The following MARCHF1 variants were observed in gnomAD, a reference collection of about 807,000 sequenced individuals.
MARCHF1 encodes the protein E3 ubiquitin-protein ligase MARCHF1.
In MARCHF1, 40 loss-of-function variants were observed where a neutral mutation model predicts 54.2. The observed-to-expected ratio is 0.74, with a 90% confidence interval of 0.57 to 0.96. The LOEUF is 0.96. Ranked by LOEUF, MARCHF1 falls within the 40% of genes least tolerant of loss-of-function variation. The probability of loss-of-function intolerance (pLI) is 0.00; values close to 1 mark genes in which losing one functional copy is unlikely to be tolerated. For synonymous variants in MARCHF1, 236 were observed against 236.3 expected, an observed-to-expected ratio of 1.00 and a Z score of 0.01; for missense variants, 586 against 656.5, an observed-to-expected ratio of 0.89 and a Z score of 1.17.
chr4:164,373,150 T>C (rs986675489), intron 1 of MARCHF1, among the ~76,000 whole-genome samples: 1 of 152,118 alleles, frequency 6.6e-6, no homozygotes, highest in Non-Finnish European at 1.5e-5. Flanking sequence ...GAGAAAATAC[T>C]ATCATCTGCA....
intron 5 of MARCHF1, among the ~76,000 whole-genome samples, chr4:163,644,863 T>G (rs1221425289): frequency 2.6e-5 from 4 of 152,088 alleles, no homozygotes; most frequent in Non-Finnish European, 5.9e-5. Flanking sequence ...TCCCTATAAT[T>G]CAGCTCCAGT....
At chr4:163,873,091 A>ACAAAC (rs149615504) in intron 3 of MARCHF1, among the ~76,000 whole-genome samples, 8 of 151,978 alleles carry the variant, frequency 5.3e-5, no homozygotes, top group Admixed American at 2.0e-4. Flanking sequence ...AAACAAACAA[A>ACAAAC]AAAAATGATG....
At chr4:164,278,883 A>G (rs919467883) in intron 1 of MARCHF1, among the ~76,000 whole-genome samples, 1 of 152,140 alleles carries the variant, frequency 6.6e-6, no homozygotes, top group African/African-American at 2.4e-5. Context: ...AGACTACACA[A>G]TGAGTTAAGA....
At chr4:163,579,238 A>G (rs1352745310) in intron 8 of MARCHF1, among the ~76,000 whole-genome samples, 4 of 152,230 alleles carry the variant, frequency 2.6e-5, no homozygotes, top group African/African-American at 9.6e-5. Flanking sequence ...ATTGTAATCT[A>G]TTCACACTGC....
intron 2 of MARCHF1, among the ~76,000 whole-genome samples, chr4:164,043,155 T>A (rs1401092302): frequency 6.6e-6 from 1 of 152,124 alleles, no homozygotes; most frequent in Admixed American, 6.5e-5. Flanking sequence ...AAACCTTGAG[T>A]AGACAGTGCC....
chr4:163,617,839 G>A (rs1274939688), intron 5 of MARCHF1, among the ~76,000 whole-genome samples: 2 of 152,118 alleles, frequency 1.3e-5, no homozygotes, highest in South Asian at 2.1e-4. Flanking sequence ...ACGTGATGAT[G>A]AGCATCATAA....
chr4:163,816,466 C>T (rs2111032776), intron 4 of MARCHF1, among the ~76,000 whole-genome samples: 1 of 151,498 alleles, frequency 6.6e-6, no homozygotes, highest in Non-Finnish European at 1.5e-5. Context: ...AACTGGTTAC[C>T]CTAACAAAAC....
intron 1 of MARCHF1, among the ~76,000 whole-genome samples, chr4:164,362,085 A>T (rs1730737197): frequency 1.3e-5 from 2 of 152,090 alleles, no homozygotes; most frequent in African/African-American, 4.8e-5. Context: ...TTATCACAAA[A>T]AATGTAGTTT....
chr4:163,777,784 T>C (rs538349170), intron 4 of MARCHF1, among the ~76,000 whole-genome samples: 1 of 152,332 alleles, frequency 6.6e-6, no homozygotes, highest in Admixed American at 6.5e-5. Flanking sequence ...ATAATTTACA[T>C]ACAATAAAAT....
intron 1 of MARCHF1, chr4:164,189,140 C>G: frequency 1.6e-6 from 1 of 615,236 alleles, no homozygotes; most frequent in Non-Finnish European, 3.0e-6. Flanking sequence ...CATCTGCGTG[C>G]AGAAGACTAT....
intron 4 of MARCHF1, among the ~76,000 whole-genome samples, chr4:163,755,073 G>T (rs1487121807): frequency 6.6e-6 from 1 of 152,190 alleles, no homozygotes; most frequent in Non-Finnish European, 1.5e-5. Flanking sequence ...CTTAGTAGGG[G>T]TGTGGTGGTG....
At chr4:163,929,922 TATATA>T (rs1354385018) in intron 3 of MARCHF1, among the ~76,000 whole-genome samples, 48 of 101,924 alleles carry the variant, frequency 4.7e-4, no homozygotes, top group Non-Finnish European at 3.2e-4. Flanking sequence ...ATATATAATA[TATATA>T]ATATATTATA....
chr4:164,233,165 T>C (rs76120941), intron 1 of MARCHF1, among the ~76,000 whole-genome samples: 3,149 of 152,158 alleles, frequency 0.021, 99 homozygotes, highest in East Asian at 0.12. Context: ...AATAAATAAA[T>C]AAATCCTATC....
chr4:163,613,597 C>T, intron 5 of MARCHF1: 1 of 1,459,778 alleles, frequency 6.9e-7, no homozygotes, highest in East Asian at 2.5e-5. Flanking sequence ...AGCTGAGATG[C>T]TGCGCTATTT....
At chr4:163,650,197 A>G (rs1436654852) in intron 5 of MARCHF1, among the ~76,000 whole-genome samples, 1 of 152,014 alleles carries the variant, frequency 6.6e-6, no homozygotes, top group South Asian at 2.1e-4. Context: ...GGAAATCTCT[A>G]TAACTAAACA....
At chr4:164,084,554 C>A (rs1266570195) in intron 2 of MARCHF1, among the ~76,000 whole-genome samples, 1 of 151,718 alleles carries the variant, frequency 6.6e-6, no homozygotes, top group Non-Finnish European at 1.5e-5. Context: ...ATTGCATAAA[C>A]AGTAAAATAA....
At chr4:164,047,561 T>C (rs780417114) in intron 2 of MARCHF1, among the ~76,000 whole-genome samples, 66 of 152,356 alleles carry the variant, frequency 4.3e-4, no homozygotes, top group Admixed American at 1.7e-3. Context: ...AATGTAATTT[T>C]GCAGGTTTTT....
chr4:164,120,506 A>G (rs1756044572), intron 1 of MARCHF1, among the ~76,000 whole-genome samples: 1 of 152,108 alleles, frequency 6.6e-6, no homozygotes, highest in Non-Finnish European at 1.5e-5. Context: ...TTTACAGAAC[A>G]TTTCATCCAA....
rs181611120 is a variant in MARCHF1, at chr4:163,638,656, C to T, written c.163-25263G>A. Among the ~76,000 whole-genome samples the T allele has an allele frequency of 1.4e-4, 21 of 152,220 alleles. No homozygotes were observed. The East Asian group carries it at 3.9e-3, about 28-fold the overall frequency. On this transcript the variant is annotated intron_variant, in intron 5 of 9. Coordinates refer to ENST00000514618, the MANE Select transcript of MARCHF1 (RefSeq NM_001394959.1). ...ATAATTCCCCTTCTGAGTAATTCCA[C>T]TCCCGGGTATCTATCCAAAAGGATC...
Sources: gnomAD v4.1 joint callset for allele counts (sites outside exome capture counted in the v4.1 genomes callset) on GRCh38, gnomAD v4.1.1 for gene constraint, MANE v1.5 for transcripts, NCBI Gene and HGNC (gene_info 2026-07-23, HGNC 2026-07-21) for gene names.